The following NLGN4X variants were observed in gnomAD, a reference collection of about 807,000 sequenced individuals.
The protein encoded by NLGN4X is neuroligin-4, X-linked.
A neutral mutation model predicts 40.3 loss-of-function variants in NLGN4X; 3 were observed. The ratio of observed to expected loss-of-function variants is 0.07; its 90% CI spans 0.03 to 0.19. The LOEUF (loss-of-function observed/expected upper bound fraction) is 0.19, where lower values mean the gene tolerates loss of function less well. Among genes scored for constraint, NLGN4X ranks in the 10% least tolerant of loss-of-function variants. NLGN4X has a pLI of 1.00. For missense variants in NLGN4X, 382 were observed against 708.3 expected, an observed-to-expected ratio of 0.54 and a Z score of 5.23; for synonymous variants, 270 against 306.8, an observed-to-expected ratio of 0.88 and a Z score of 1.25.
chrX:5,954,624 CTCTGTCTCTG>C (rs2034428215), intron 3 of NLGN4X, among the ~76,000 whole-genome samples: 4 of 93,370 alleles, frequency 4.3e-5, no homozygotes, highest in African/African-American at 1.7e-4. Context: ...CTCTGTCTCT[CTCTGTCTCTG>C]TCTCTCTCTC....
chrX:6,218,716 A>C (rs932230135), intron 1 of NLGN4X, among the ~76,000 whole-genome samples: 3 of 112,029 alleles, frequency 2.7e-5, no homozygotes, highest in Non-Finnish European at 3.8e-5. Context: ...TTGGTAATTT[A>C]AACACTTTCA....
chrX:5,946,397 T>C (rs1330784586), intron 3 of NLGN4X, among the ~76,000 whole-genome samples: 8 of 111,845 alleles, frequency 7.2e-5, no homozygotes, highest in Non-Finnish European at 7.5e-5. Flanking sequence ...TTGGATACCA[T>C]TACACAACTC....
At chrX:5,933,125 T>TA (rs903215992) in intron 3 of NLGN4X, among the ~76,000 whole-genome samples, 20 of 108,880 alleles carry the variant, frequency 1.8e-4, no homozygotes, top group Middle Eastern at 4.7e-3. Flanking sequence ...TAGGCCAAGT[T>TA]AAAAAAAAAG....
chrX:5,985,221 G>A (rs2035499105), intron 3 of NLGN4X, among the ~76,000 whole-genome samples: 1 of 110,950 alleles, frequency 9.0e-6, no homozygotes, highest in African/African-American at 3.3e-5. Context: ...TGTAGAGGGA[G>A]AAGTGGGAGT....
In NLGN4X at chrX:6,151,410, G is replaced by A; in HGVS notation, c.57C>T (p.Val19=). ...WLPLLFTPVC[V]MLNSNVLLWL... ...ACAGGAGGACATTGGAGTTTAACATGACGCAGACCGGGGTGAACAACAAAG... is the reference window on the plus strand; with the variant it reads ...ACAGGAGGACATTGGAGTTTAACATAACGCAGACCGGGGTGAACAACAAAG... The change falls in exon 2 of 6, where the codon GTC becomes GTT. Residue 19 remains valine, a synonymous_variant. Coordinates refer to ENST00000381095, the MANE Select transcript of NLGN4X (RefSeq NM_181332.3). 1 of 1,211,649 alleles carries A rather than the reference G, an allele frequency of 8.3e-7. No individual in the cohort carries two copies. Among genetic ancestry groups the A allele is most frequent in the Non-Finnish European group, 1.1e-6 (1 of 895,463 alleles).
rs1555936392 is a variant in NLGN4X at position 5,978,341 on chromosome X, T to TTTCC, written c.625+50935_625+50938dup. Among the ~76,000 whole-genome samples the TTTCC allele has an allele frequency of 3.0e-3, 28 of 9,449 alleles. 1 individual carries two copies. The highest frequency in any genetic ancestry group is 0.018 in the East Asian group (3 of 166). 8.2% of individuals were successfully genotyped at this position (9,449 alleles called of 115,157 possible). A position where few individuals can be genotyped will look rare whatever the true frequency, so the allele number is the denominator to read the frequency against. The stretch of plus-strand genomic sequence containing the variant: ...CTTTCTTTCTTTCTTTCTTTCTTTC[T>TTTCC]TTCCCTTCCTTCTCTTTCTTTCTCT... On this transcript the variant is annotated intron_variant, in intron 3 of 5. Transcript: ENST00000381095.
chrX:5,923,401 A>T (rs1254147889), intron 3 of NLGN4X, among the ~76,000 whole-genome samples: 1 of 112,645 alleles, frequency 8.9e-6, no homozygotes, highest in East Asian at 2.8e-4. Context: ...TTGCCCTCCC[A>T]AAGTGCTAGG....
At chrX:6,057,458 A>T (rs758597921) in intron 2 of NLGN4X, among the ~76,000 whole-genome samples, 61 of 112,164 alleles carry the variant, frequency 5.4e-4, no homozygotes, top group Non-Finnish European at 8.8e-4. Context: ...AAAATCTGTA[A>T]GAGGCTTGAA....
chrX:6,038,019 C>A (rs1374235979), intron 2 of NLGN4X, among the ~76,000 whole-genome samples: 1 of 111,611 alleles, frequency 9.0e-6, no homozygotes, highest in Non-Finnish European at 1.9e-5. Flanking sequence ...ACAGGTAATG[C>A]CATGCAGTCC....
At chrX:6,105,316 C>G (rs1273992430) in intron 2 of NLGN4X, among the ~76,000 whole-genome samples, 3 of 111,338 alleles carry the variant, frequency 2.7e-5, no homozygotes, top group Non-Finnish European at 5.6e-5. Context: ...CTGCCTTGGC[C>G]TATCTCCTCT....
intron 3 of NLGN4X, among the ~76,000 whole-genome samples, chrX:5,927,819 T>G (rs1405733896): frequency 8.9e-6 from 1 of 112,532 alleles, no homozygotes; most frequent in African/African-American, 3.2e-5. Flanking sequence ...TGTGCTATAT[T>G]GAGCTAAACA....
At chrX:6,016,544 T>C (rs1215139645) in intron 3 of NLGN4X, among the ~76,000 whole-genome samples, 1 of 112,108 alleles carries the variant, frequency 8.9e-6, no homozygotes, top group Admixed American at 9.5e-5. Flanking sequence ...ACACCTATTT[T>C]GGAAAATAAT....
At chrX:5,952,078 C>A (rs1313232524) in intron 3 of NLGN4X, among the ~76,000 whole-genome samples, 1 of 111,944 alleles carries the variant, frequency 8.9e-6, no homozygotes, top group East Asian at 2.8e-4. Context: ...TTAGGAATAG[C>A]AACTCCACTT....
intron 2 of NLGN4X, among the ~76,000 whole-genome samples, chrX:6,058,191 CAT>C (rs893261143): frequency 2.7e-5 from 3 of 110,853 alleles, no homozygotes; most frequent in Admixed American, 9.6e-5. Context: ...TTCATACACA[CAT>C]ATATATATAA....
At chrX:6,087,262 CTTT>C (rs753203846) in intron 2 of NLGN4X, among the ~76,000 whole-genome samples, 27 of 111,314 alleles carry the variant, frequency 2.4e-4, no homozygotes, top group East Asian at 1.1e-3. Flanking sequence ...TATTTTTTGA[CTTT>C]TTTTAATACA....
rs1055044955 is a variant in NLGN4X at position 6,041,682 on chromosome X, A to G, written c.473-12250T>C. On this transcript the variant is annotated intron_variant, in intron 2 of 5. Coordinates refer to ENST00000381095, the MANE Select transcript of NLGN4X (RefSeq NM_181332.3). Reference sequence around the variant, plus strand: ...AATAAGGTCTCCCTGTTAGATTGTTAGCAACAAGAAAAAGGTGTTACCTGT... The same window carrying G: ...AATAAGGTCTCCCTGTTAGATTGTTGGCAACAAGAAAAAGGTGTTACCTGT... Among the ~76,000 whole-genome samples the G allele has an allele frequency of 2.7e-5, 3 of 112,857 alleles. No individual in the cohort carries two copies. The East Asian group carries it at 8.3e-4, about 31-fold the overall frequency.
chrX:6,094,607 G>C (rs72609509), intron 2 of NLGN4X, among the ~76,000 whole-genome samples: 6,081 of 110,920 alleles, frequency 0.055, 175 homozygotes, highest in East Asian at 0.18. Flanking sequence ...CCTGCACAAA[G>C]ATGACAGATC....
At chrX:6,181,389 G>A (rs1921435663) in intron 1 of NLGN4X, among the ~76,000 whole-genome samples, 1 of 111,925 alleles carries the variant, frequency 8.9e-6, no homozygotes, top group African/African-American at 3.2e-5. Context: ...TGATTTTATG[G>A]TAATATTATT....
chrX:5,973,624 C>T (rs1335741191), intron 3 of NLGN4X, among the ~76,000 whole-genome samples: 1 of 111,383 alleles, frequency 9.0e-6, no homozygotes, highest in Non-Finnish European at 1.9e-5. Flanking sequence ...AGATGGAGAC[C>T]ATCCTGGCTA....
Sources: allele counts gnomAD v4.1 joint callset (sites outside exome capture counted in the v4.1 genomes callset), GRCh38; gene constraint gnomAD v4.1.1; transcripts MANE v1.5; gene names NCBI Gene and HGNC (gene_info 2026-07-23, HGNC 2026-07-21).